The following AGBL4 variants were observed in gnomAD, a reference collection of about 807,000 sequenced individuals.
The protein encoded by AGBL4 is AGBL carboxypeptidase 4.
A neutral mutation model predicts 66.4 loss-of-function variants in AGBL4; 58 were observed. The observed-to-expected ratio is 0.87, with a 90% CI of 0.71 to 1.09. AGBL4 has a LOEUF of 1.09. Among genes scored for constraint, AGBL4 ranks in the 50% least tolerant of loss-of-function variants. The pLI, the probability that AGBL4 is intolerant of heterozygous loss-of-function variation, is 0.00. For missense variants in AGBL4, 579 were observed against 631.0 expected (o/e 0.92, Z 0.88); for synonymous variants, 234 against 222.9 (o/e 1.05, Z -0.44).
chr1:48,730,410 G>C (rs974578116), intron 6 of AGBL4, among the ~76,000 whole-genome samples: 1 of 152,192 alleles, frequency 6.6e-6, no homozygotes, highest in Non-Finnish European at 1.5e-5. Flanking sequence ...TACGAAAGTA[G>C]CATTTCAAAC....
At chr1:49,096,709 G>T (rs71647729) in intron 4 of AGBL4, among the ~76,000 whole-genome samples, 1 of 107,932 alleles carries the variant, frequency 9.3e-6, no homozygotes, top group African/African-American at 3.6e-5. Flanking sequence ...GGAGGGGGGA[G>T]GGATAGCATT....
intron 3 of AGBL4, among the ~76,000 whole-genome samples, chr1:49,558,578 A>T (rs1643958240): frequency 1.3e-5 from 2 of 152,088 alleles, no homozygotes; most frequent in Admixed American, 1.3e-4. Context: ...TCACCTCAGG[A>T]TCTGCCTGCT....
At chr1:49,015,199 G>A (rs970008934) in intron 5 of AGBL4, among the ~76,000 whole-genome samples, 1 of 152,028 alleles carries the variant, frequency 6.6e-6, no homozygotes, top group South Asian at 2.1e-4. Flanking sequence ...TTTTTGGGGG[G>A]AGTTGATTTT....
At chr1:49,747,944 TTGTGTGTGTGTGTGTG>T (rs4012953) in intron 2 of AGBL4, among the ~76,000 whole-genome samples, 2 of 147,466 alleles carry the variant, frequency 1.4e-5, no homozygotes, top group African/African-American at 4.9e-5. Context: ...GTGTGTGTGT[TTGTGTGTGTGTGTGTG>T]TGTGTGTGTG....
chr1:49,938,728 G>T (rs1208449899), intron 1 of AGBL4, among the ~76,000 whole-genome samples: 3 of 152,104 alleles, frequency 2.0e-5, no homozygotes, highest in Non-Finnish European at 4.4e-5. Flanking sequence ...CATATAAACA[G>T]AACCAAAGAC....
intron 2 of AGBL4, among the ~76,000 whole-genome samples, chr1:49,795,452 T>C (rs1644706698): frequency 6.6e-6 from 1 of 151,976 alleles, no homozygotes; most frequent in African/African-American, 2.4e-5. Flanking sequence ...GAGAAGGATG[T>C]AAAATTTCTG....
At chr1:48,945,863 C>T (rs1469496899) in intron 5 of AGBL4, among the ~76,000 whole-genome samples, 1 of 152,192 alleles carries the variant, frequency 6.6e-6, no homozygotes, top group Non-Finnish European at 1.5e-5. Flanking sequence ...TACTTAACCT[C>T]TTTGTGCCTT....
chr1:49,187,017 G>C (rs1020715874), intron 4 of AGBL4, among the ~76,000 whole-genome samples: 1 of 152,078 alleles, frequency 6.6e-6, no homozygotes, highest in African/African-American at 2.4e-5. Context: ...AAATTTCTTT[G>C]GCATAGATCC....
At chr1:49,607,581 A>C (rs1454955845) in intron 3 of AGBL4, among the ~76,000 whole-genome samples, 1 of 152,116 alleles carries the variant, frequency 6.6e-6, no homozygotes, top group Non-Finnish European at 1.5e-5. Flanking sequence ...TGGCTCTGGT[A>C]ATCACTTCAG....
At chr1:49,756,561 T>C (rs1006490699) in intron 2 of AGBL4, among the ~76,000 whole-genome samples, 3 of 152,224 alleles carry the variant, frequency 2.0e-5, no homozygotes, top group Non-Finnish European at 4.4e-5. Flanking sequence ...AGTTTGGCTA[T>C]ATCCCCACCC....
intron 7 of AGBL4, among the ~76,000 whole-genome samples, chr1:48,660,259 CAG>C (rs1392610342): frequency 6.6e-6 from 1 of 152,220 alleles, no homozygotes; most frequent in East Asian, 1.9e-4. Context: ...TATGTGGTGA[CAG>C]GACTTCACTC....
intron 3 of AGBL4, among the ~76,000 whole-genome samples, chr1:49,560,562 GATA>G (rs1411953535): frequency 2.6e-5 from 4 of 152,096 alleles, no homozygotes; most frequent in Non-Finnish European, 5.9e-5. Context: ...TATTCAAAGA[GATA>G]ATAAGAACTT....
At chr1:49,654,571 G>A (rs1453841088) in intron 3 of AGBL4, among the ~76,000 whole-genome samples, 1 of 152,114 alleles carries the variant, frequency 6.6e-6, no homozygotes, top group Non-Finnish European at 1.5e-5. Flanking sequence ...TCTCTTTGTA[G>A]GTCTCTAAGG....
At chr1:49,487,300 C>G (rs1647088375) in intron 3 of AGBL4, among the ~76,000 whole-genome samples, 1 of 151,932 alleles carries the variant, frequency 6.6e-6, no homozygotes, top group South Asian at 2.1e-4. Context: ...TCTACAGGCA[C>G]TATCTTATTT....
intron 4 of AGBL4, among the ~76,000 whole-genome samples, chr1:49,114,087 TCTC>T (rs1304328402): frequency 1.3e-5 from 2 of 152,238 alleles, no homozygotes; most frequent in African/African-American, 4.8e-5. Flanking sequence ...GGCATTGACT[TCTC>T]CTCTCTAGCT....
At chr1:48,640,743 C>T (rs1309599373) in intron 8 of AGBL4, among the ~76,000 whole-genome samples, 2 of 152,100 alleles carry the variant, frequency 1.3e-5, no homozygotes, top group East Asian at 1.9e-4. Flanking sequence ...ATAAAAGAGA[C>T]ACTAAGCTAC....
intron 5 of AGBL4, among the ~76,000 whole-genome samples, chr1:48,868,202 A>G (rs1031245983): frequency 6.6e-6 from 1 of 152,236 alleles, no homozygotes; most frequent in Admixed American, 6.5e-5. Context: ...TCATTGCTCT[A>G]GATTACAAAT....
chr1:49,959,187 T>G (rs929670840), intron 1 of AGBL4, among the ~76,000 whole-genome samples: 2 of 151,238 alleles, frequency 1.3e-5, no homozygotes, highest in African/African-American at 4.9e-5. Flanking sequence ...CAAAGAGGAG[T>G]TGCAGTATAG....
intron 3 of AGBL4, among the ~76,000 whole-genome samples, chr1:49,604,224 C>T (rs1239829132): frequency 2.0e-5 from 3 of 152,158 alleles, no homozygotes; most frequent in African/African-American, 7.2e-5. Context: ...TTTACCACAT[C>T]CACTCCAACA....
Sources: allele counts gnomAD v4.1 joint callset (sites outside exome capture counted in the v4.1 genomes callset), GRCh38; gene constraint gnomAD v4.1.1; transcripts MANE v1.5; gene names NCBI Gene and HGNC (gene_info 2026-07-23, HGNC 2026-07-21).